Variants in MORC2 observed in about 807,000 individuals in gnomAD.
MORC2 encodes the protein ATPase MORC2.
MORC2 carries 30 observed loss-of-function variants against 136.0 expected under a neutral mutation model. That is an observed-to-expected ratio of 0.22 (90% confidence interval 0.17 to 0.30). MORC2 has a LOEUF of 0.30. Ranked by LOEUF, MORC2 falls within the 10% of genes least tolerant of loss-of-function variation. MORC2 has a pLI of 1.00. For missense variants in MORC2, 922 were observed against 1,333.1 expected (o/e 0.69, Z 4.80); for synonymous variants, 439 against 487.0 (o/e 0.90, Z 1.30).
At chr22:30,966,502 T>C (rs987029303) in intron 1 of MORC2, among the ~76,000 whole-genome samples, 4 of 152,140 alleles carry the variant, frequency 2.6e-5, no homozygotes, top group Admixed American at 6.5e-5. Flanking sequence ...AGGCCGGCCA[T>C]GGTGGCTCAT....
At chr22:30,959,474 T>C (rs2041012495) in intron 1 of MORC2, among the ~76,000 whole-genome samples, 1 of 152,264 alleles carries the variant, frequency 6.6e-6, no homozygotes, top group African/African-American at 2.4e-5. Flanking sequence ...CACAAAAGTG[T>C]ATGAGTTTCC....
chr22:30,938,185 T>A lies in MORC2; in HGVS notation c.1094A>T (p.Glu365Val). 1.2e-6 allele frequency: 2 copies of A among 1,613,848 alleles called. No homozygotes were observed. Among genetic ancestry groups the A allele is most frequent in the South Asian group, 2.2e-5 (2 of 91,058 alleles). The change falls in exon 13 of 26, where the codon GAA becomes GTA. Residue 365 changes from glutamate (E) to valine (V), a missense_variant. Glu to Val is a moderately radical substitution (Grantham distance 121). Transcript: ENST00000397641. ...GTTGACACCAAAAACAAAATTCAGT[T>A]CCTTAGGTTCTTTAAGTGCTCTAAG... The part of the protein sequence containing the change: ...AKQRALKEPK[E>V]LNFVFGVNIE...
chr22:30,927,614 G>A (rs1032755066), intron 25 of MORC2, among the ~76,000 whole-genome samples: 1 of 152,162 alleles, frequency 6.6e-6, no homozygotes, highest in African/African-American at 2.4e-5. Context: ...TCTCTGGCTT[G>A]TCTTGTTCAT....
Position 30,937,023 on chromosome 22 carries a change from A to G in MORC2, c.1513T>C (p.Trp505Arg). 6.2e-7 allele frequency: 1 copy of G among 1,613,778 alleles called. No individual in the cohort carries two copies. The highest frequency in any genetic ancestry group is 8.5e-7 in the Non-Finnish European group (1 of 1,179,734). The change falls in exon 16 of 26, where the codon TGG (tryptophan) becomes CGG (arginine). Residue 505 changes from tryptophan to arginine, a missense_variant. Physicochemically the swap from Trp to Arg is moderately radical, Grantham distance 101 (BLOSUM62 -3). This residue lies in a region of MORC2 where 119 missense variants were observed against 202.7 expected (regional missense o/e 0.59). Coordinates refer to ENST00000397641, the MANE Select transcript of MORC2 (RefSeq NM_001303256.3). The surrounding 1 kb of genome is among the most constrained non-coding windows in gnomAD (Gnocchi z 4.7). ...TTIQCDLCLK[W>R]RTLPFQLSSV... ...CTCAGCTGGAAGGGGAGGGTTCTCC[A>G]TTTCAGACACAAATCTGCAGAGAGC...
intron 5 of MORC2, among the ~76,000 whole-genome samples, chr22:30,948,476 G>A (rs1230017383): frequency 1.3e-5 from 2 of 152,224 alleles, no homozygotes; most frequent in Admixed American, 6.5e-5. Context: ...AACATCAAAG[G>A]AGGAGAAATA....
At chr22:30,950,339 A>AGCCCCCCCC in intron 4 of MORC2, 38 bp downstream of exon 4, 1 of 539,968 alleles carries the variant, frequency 1.9e-6, no homozygotes, top group South Asian at 1.7e-5. Context: ...GTTACATCGC[A>AGCCCCCCCC]CCCCCCCACC....
intron 1 of MORC2, 35 bp downstream of exon 1, chr22:30,967,787 A>T (rs2041151602): frequency 6.5e-7 from 1 of 1,549,558 alleles, no homozygotes; most frequent in African/African-American, 1.4e-5. Flanking sequence ...GGAACGAGTT[A>T]CTGGTTACCT....
intron 6 of MORC2, among the ~76,000 whole-genome samples, chr22:30,944,832 G>A (rs991458674): frequency 6.6e-6 from 1 of 152,142 alleles, no homozygotes; most frequent in African/African-American, 2.4e-5. Flanking sequence ...CACCTCCCTT[G>A]GGCGAGTACC....
At chr22:30,961,151 T>C (rs1348571268) in intron 1 of MORC2, among the ~76,000 whole-genome samples, 1 of 152,168 alleles carries the variant, frequency 6.6e-6, no homozygotes, top group Non-Finnish European at 1.5e-5. Context: ...ATTACAGGCG[T>C]GAGCCACCAT....
intron 1 of MORC2, chr22:30,963,388 C>CTT (rs34402075): frequency 0.2 from 135,715 of 692,058 alleles, 5,860 homozygotes; most frequent in East Asian, 0.44. Flanking sequence ...CTGATTATGG[C>CTT]TTTTTTTTTT....
chr22:30,937,096 C>G lies in MORC2; in HGVS notation c.1499-59G>C, dbSNP rs1156607737. 8.4e-6 allele frequency: 11 copies of G among 1,305,716 alleles called. No individual in the cohort carries two copies. In the South Asian group the frequency reaches 1.3e-4, roughly 16 times the overall value. The allele number at this position is 1,305,716 out of a possible 1,614,324, so 80.9% of individuals were successfully genotyped here. On this transcript the variant is annotated intron_variant, in intron 15 of 25. Transcript: ENST00000397641. The surrounding 1 kb of genome is among the most constrained non-coding windows in gnomAD (Gnocchi z 4.7). ...ACGCCCACCAACTCTATCTGTAATC[C>G]GGGTTCCTCACAGGCCCACCACAAT...
At position 30,934,169 on chromosome 22, in the gene MORC2, C is replaced by T. The variant is rs2040619459; in HGVS notation, c.2216G>A (p.Ser739Asn). ...TTCTTCCTCATCAGAAACTGCGACA[C>T]TCCGCTTCCGACTAGGGGTAGCCTA... is the stretch of plus-strand genomic sequence containing the variant. ...LSPATPSRKR[S>N]VAVSDEEEVE... Residue 739 changes from serine (S) to asparagine (N), a missense_variant, in exon 20 of 26, where the codon AGT becomes AAT. Around this residue, in one of 9 missense-constraint regions of MORC2, gnomAD observed 263 missense variants for 388.3 expected, o/e 0.68. Coordinates refer to ENST00000397641, the MANE Select transcript of MORC2 (RefSeq NM_001303256.3). The surrounding 1 kb of genome is among the most constrained non-coding windows in gnomAD (Gnocchi z 4.4). The T allele has an allele frequency of 1.2e-6, 2 of 1,614,198 alleles. No homozygotes were observed. The highest frequency in any genetic ancestry group is 1.7e-6 in the Non-Finnish European group (2 of 1,180,034).
chr22:30,940,606 G>A (rs1257360883), intron 10 of MORC2, 152 bp downstream of exon 10: 1 of 690,908 alleles, frequency 1.4e-6, no homozygotes, highest in East Asian at 2.5e-5. Flanking sequence ...GGCATGTAGT[G>A]AAAGGGGCTG....
chr22:30,957,367 T>C (rs1378516891), intron 2 of MORC2, among the ~76,000 whole-genome samples: 2 of 152,136 alleles, frequency 1.3e-5, no homozygotes, highest in East Asian at 1.9e-4. Context: ...ACTCCAACCA[T>C]TGGCTGAAAT....
At chr22:30,955,481 G>A (rs930660827) in intron 3 of MORC2, among the ~76,000 whole-genome samples, 4 of 152,004 alleles carry the variant, frequency 2.6e-5, no homozygotes, top group Non-Finnish European at 4.4e-5. Context: ...TCAAATCTGG[G>A]GCAGATTCTT....
At chr22:30,953,967 A>C (rs1338594641) in intron 3 of MORC2, among the ~76,000 whole-genome samples, 1 of 152,164 alleles carries the variant, frequency 6.6e-6, no homozygotes, top group African/African-American at 2.4e-5. Context: ...GGAGATAAGA[A>C]AATACTTTCC....
chr22:30,937,082 CTCTA>C lies in MORC2; in HGVS notation c.1499-49_1499-46del, dbSNP rs762270692. 7.1e-7 allele frequency: 1 copy of C among 1,412,078 alleles called. No individual in the cohort carries two copies. Among genetic ancestry groups the C allele is most frequent in the Non-Finnish European group, 1.0e-6 (1 of 999,426 alleles). The allele number at this position is 1,412,078 out of a possible 1,614,324, so 87.5% of individuals were successfully genotyped here. ...CCCACATATCAGCCACGCCCACCAA[CTCTA>C]TCTGTAATCCGGGTTCCTCACAGGC... On this transcript the variant is annotated intron_variant, in intron 15 of 25. Transcript: ENST00000397641. This position sits in a 1 kb window ranked among gnomAD's most constrained non-coding sequence, Gnocchi z 4.7.
intron 4 of MORC2, 24 bp downstream of exon 4, chr22:30,950,353 C>CCCAAAAAAA: frequency 2.7e-6 from 4 of 1,481,916 alleles, no homozygotes; most frequent in Non-Finnish European, 3.8e-6. Flanking sequence ...CCCCACCCCC[C>CCCAAAAAAA]AAAACAATAA....
intron 6 of MORC2, among the ~76,000 whole-genome samples, chr22:30,943,574 C>G (rs2040772243): frequency 6.6e-6 from 1 of 152,216 alleles, no homozygotes; most frequent in Non-Finnish European, 1.5e-5. Flanking sequence ...GGCCGCAGCC[C>G]TTGCAGAGCC....
Sources: allele counts gnomAD v4.1 joint callset (sites outside exome capture counted in the v4.1 genomes callset), GRCh38; gene constraint gnomAD v4.1.1; regional missense constraint gnomAD v4.1.1; non-coding constraint Gnocchi (gnomAD v3.1); transcripts MANE v1.5; gene names NCBI Gene and HGNC (gene_info 2026-07-23, HGNC 2026-07-21).